TNKS: variants seen among roughly 807,000 people sequenced by gnomAD.
TNKS encodes the protein tankyrase.
In TNKS, 72 loss-of-function variants were observed where a neutral mutation model predicts 135.8. That is an observed-to-expected ratio of 0.53 (90% CI 0.44 to 0.64). TNKS has a LOEUF of 0.64. TNKS is among the 30% of genes least tolerant of loss of function. The pLI is 0.00. For missense variants in TNKS, 1,769 were observed against 1,674.0 expected (o/e 1.06, Z -0.99); for synonymous variants, 849 against 649.3 (o/e 1.31, Z -4.68).
At chr8:9,624,758 A>G (rs975337036) in intron 3 of TNKS, among the ~76,000 whole-genome samples, 2 of 152,140 alleles carry the variant, frequency 1.3e-5, no homozygotes, top group Non-Finnish European at 2.9e-5. Context: ...AGGTGTCCTC[A>G]GGGGTACTGG....
At chr8:9,766,165 T>C in intron 24 of TNKS, 74 bp from the exon 25 acceptor site, 2 of 1,294,624 alleles carry the variant, frequency 1.5e-6, no homozygotes, top group Non-Finnish European at 2.1e-6. Flanking sequence ...ACCTGCCCGA[T>C]GCAAATAGTG....
chr8:9,743,831 C>T (rs999864374), intron 17 of TNKS, among the ~76,000 whole-genome samples: 5 of 152,206 alleles, frequency 3.3e-5, no homozygotes, highest in African/African-American at 1.2e-4. Context: ...GGCTGCATGT[C>T]ACTCCTACAT....
At chr8:9,693,198 A>G (rs913582931) in intron 5 of TNKS, among the ~76,000 whole-genome samples, 3 of 152,240 alleles carry the variant, frequency 2.0e-5, no homozygotes, top group Non-Finnish European at 2.9e-5. Context: ...ACATTACTAA[A>G]TAATTATGGT....
chr8:9,607,675 T>A (rs1376100076), intron 2 of TNKS, among the ~76,000 whole-genome samples: 1 of 152,222 alleles, frequency 6.6e-6, no homozygotes, highest in East Asian at 1.9e-4. Context: ...TGTTGTATTA[T>A]ACTATATAAA....
intron 2 of TNKS, among the ~76,000 whole-genome samples, chr8:9,610,840 A>G (rs1268675182): frequency 6.6e-6 from 1 of 152,244 alleles, no homozygotes; most frequent in Admixed American, 6.5e-5. Context: ...GCAGTTAAAC[A>G]CAATTTATTA....
chr8:9,763,294 A>G lies in TNKS; in HGVS notation c.3372+50A>G, dbSNP rs760945423. The G allele has an allele frequency of 2.3e-6, 3 of 1,313,710 alleles. No homozygotes were observed. In the South Asian group the frequency reaches 4.0e-5, roughly 18 times the overall value. The allele number at this position is 1,313,710 out of a possible 1,614,324, so 81.4% of individuals were successfully genotyped here. A position where few individuals can be genotyped will look rare whatever the true frequency, so the allele number is the denominator to read the frequency against. On this transcript the variant is annotated intron_variant, in intron 22 of 26. Coordinates refer to ENST00000310430, the MANE Select transcript of TNKS (RefSeq NM_003747.3). ...TTTGCTTTTCTTGAAATCTGTGGAT[A>G]AACCTCTTTTTCTGGAATTAACCTC...
intron 5 of TNKS, among the ~76,000 whole-genome samples, chr8:9,700,923 T>C (rs1019119870): frequency 7.2e-6 from 1 of 138,230 alleles, no homozygotes; most frequent in Non-Finnish European, 1.5e-5. Context: ...AAATTTTTCT[T>C]ATGTTTTGCC....
intron 1 of TNKS, among the ~76,000 whole-genome samples, chr8:9,578,103 G>A (rs775623046): frequency 1.3e-5 from 2 of 152,196 alleles, no homozygotes; most frequent in Non-Finnish European, 2.9e-5. Flanking sequence ...GGGCTCCCAA[G>A]GCCTTGGGCG....
chr8:9,672,405 T>G (rs983624083), intron 3 of TNKS, among the ~76,000 whole-genome samples: 7 of 152,010 alleles, frequency 4.6e-5, no homozygotes, highest in Non-Finnish European at 1.0e-4. Context: ...GATATTTTTG[T>G]AGTGAAATAT....
At chr8:9,673,591 G>A (rs750489857) in intron 3 of TNKS, among the ~76,000 whole-genome samples, 3 of 151,714 alleles carry the variant, frequency 2.0e-5, no homozygotes. Context: ...TTACAGGCAC[G>A]TGCCACCACG....
At chr8:9,671,982 G>C (rs954466884) in intron 3 of TNKS, among the ~76,000 whole-genome samples, 2 of 152,138 alleles carry the variant, frequency 1.3e-5, no homozygotes, top group Admixed American at 6.5e-5. Flanking sequence ...CCTTCCCTTT[G>C]TCCATAGATC....
chr8:9,576,045 GAA>G, intron 1 of TNKS, among the ~76,000 whole-genome samples: 1 of 152,302 alleles, frequency 6.6e-6, no homozygotes, highest in South Asian at 2.1e-4. Flanking sequence ...GTAGAAGAGA[GAA>G]ACATATTTCC....
intron 2 of TNKS, among the ~76,000 whole-genome samples, chr8:9,610,624 G>A (rs1306258822): frequency 6.6e-6 from 1 of 151,960 alleles, no homozygotes; most frequent in Non-Finnish European, 1.5e-5. Context: ...AACGAACTTG[G>A]TCCTTTATGT....
rs981537416 is a variant in TNKS at position 9,568,656 on chromosome 8, T to G, written c.674-11503T>G. 2.6e-5 allele frequency among the ~76,000 whole-genome samples: 4 copies of G among 152,344 alleles called. No homozygotes were observed. In the East Asian group the frequency reaches 7.7e-4, roughly 29 times the overall value. On this transcript the variant is annotated intron_variant, in intron 1 of 26. Transcript: ENST00000310430. ...CTTTAATGTCTGGCTTAAAAAGAGA[T>G]AGCTAATTCTCATCTGCTTCTACCT...
chr8:9,718,466 C>T (rs1161859540), intron 11 of TNKS, among the ~76,000 whole-genome samples: 4 of 152,116 alleles, frequency 2.6e-5, no homozygotes, highest in Non-Finnish European at 5.9e-5. Context: ...AAGGATTCCC[C>T]TCAGCCATTT....
intron 17 of TNKS, among the ~76,000 whole-genome samples, chr8:9,742,889 A>T (rs1328218902): frequency 6.6e-6 from 1 of 151,782 alleles, no homozygotes; most frequent in African/African-American, 2.4e-5. Flanking sequence ...ACAATATAAA[A>T]AGTTTAAAAA....
intron 1 of TNKS, among the ~76,000 whole-genome samples, chr8:9,577,787 C>T (rs1186173006): frequency 6.6e-6 from 1 of 152,172 alleles, no homozygotes; most frequent in Non-Finnish European, 1.5e-5. Flanking sequence ...AAAATACAAT[C>T]ATGCCTTCCC....
chr8:9,558,146 C>T (rs568449911), intron 1 of TNKS: 71 of 152,232 alleles, frequency 4.7e-4, no homozygotes, highest in African/African-American at 1.6e-3. Context: ...CAATACTTTC[C>T]CTTAATACAT....
At chr8:9,607,178 T>C (rs1221104880) in intron 2 of TNKS, among the ~76,000 whole-genome samples, 1 of 152,230 alleles carries the variant, frequency 6.6e-6, no homozygotes, top group African/African-American at 2.4e-5. Context: ...TACTGCATGT[T>C]AGCATGAGTA....
Sources: gnomAD v4.1 joint callset for allele counts (sites outside exome capture counted in the v4.1 genomes callset) on GRCh38, gnomAD v4.1.1 for gene constraint, MANE v1.5 for transcripts, NCBI Gene and HGNC (gene_info 2026-07-23, HGNC 2026-07-21) for gene names.